The following DYM variants were observed in gnomAD, a reference collection of about 807,000 sequenced individuals.
DYM encodes the protein dyggve-Melchior-Clausen syndrome protein.
DYM carries 78 observed loss-of-function variants against 93.1 expected under a neutral mutation model. That is an observed-to-expected ratio of 0.84 (90% CI 0.70 to 1.01). The LOEUF (loss-of-function observed/expected upper bound fraction) is 1.01, where lower values mean the gene tolerates loss of function less well. DYM is among the 50% of genes least tolerant of loss of function. The pLI, the probability that DYM is intolerant of heterozygous loss-of-function variation, is 0.00. For missense variants in DYM, 789 were observed against 845.0 expected (o/e 0.93, Z 0.82); for synonymous variants, 321 against 319.7 (o/e 1.00, Z -0.04).
At chr18:49,388,048 A>T (rs533685043) in intron 3 of DYM, among the ~76,000 whole-genome samples, 1 of 152,310 alleles carries the variant, frequency 6.6e-6, no homozygotes, top group Non-Finnish European at 1.5e-5. Context: ...TATCAAAAGG[A>T]AAGATTAGTA....
At chr18:49,198,511 C>T (rs1281730416) in intron 14 of DYM, among the ~76,000 whole-genome samples, 1 of 152,142 alleles carries the variant, frequency 6.6e-6, no homozygotes, top group South Asian at 2.1e-4. Context: ...CCAAAATCTA[C>T]AAAGAACTCA....
intron 8 of DYM, among the ~76,000 whole-genome samples, chr18:49,303,237 C>G (rs1000991319): frequency 3.3e-5 from 5 of 152,318 alleles, no homozygotes; most frequent in Admixed American, 6.5e-5. Context: ...CATTTTGCCC[C>G]TTTCTTTATG....
At chr18:49,428,936 T>C (rs1043632648) in intron 2 of DYM, among the ~76,000 whole-genome samples, 1 of 151,714 alleles carries the variant, frequency 6.6e-6, no homozygotes, top group Non-Finnish European at 1.5e-5. Flanking sequence ...AATTTAGTGG[T>C]GTGAACAACA....
chr18:49,241,103 T>C (rs1022743523), intron 13 of DYM, among the ~76,000 whole-genome samples: 1 of 152,188 alleles, frequency 6.6e-6, no homozygotes, highest in Admixed American at 6.5e-5. Flanking sequence ...TGTCTTATTA[T>C]AAAAGGCTTA....
chr18:49,183,661 A>T (rs185310027), intron 14 of DYM, among the ~76,000 whole-genome samples: 17 of 152,286 alleles, frequency 1.1e-4, no homozygotes, highest in African/African-American at 4.1e-4. Context: ...TAGTGCCTGT[A>T]CATTTAACAG....
intron 17 of DYM, among the ~76,000 whole-genome samples, chr18:49,073,711 C>T (rs1400671106): frequency 6.6e-6 from 1 of 152,200 alleles, no homozygotes; most frequent in East Asian, 1.9e-4. Flanking sequence ...TAATTTCACC[C>T]ACCGATAATA....
intron 2 of DYM, among the ~76,000 whole-genome samples, chr18:49,417,388 G>A (rs993196364): frequency 1.3e-5 from 2 of 152,126 alleles, no homozygotes; most frequent in Admixed American, 6.5e-5. Context: ...AGTCTCAAAA[G>A]ATCCTCCTGC....
At chr18:49,274,405 T>A (rs966866575) in intron 10 of DYM, among the ~76,000 whole-genome samples, 2 of 152,172 alleles carry the variant, frequency 1.3e-5, no homozygotes, top group African/African-American at 4.8e-5. Flanking sequence ...TGACTAGCAT[T>A]TGAACTGTTT....
rs191323082 is a variant in DYM at position 49,117,160 on chromosome 18, G to A, written c.1911+1584C>T. Among the ~76,000 whole-genome samples the A allele has an allele frequency of 4.6e-5, 7 of 152,262 alleles. No individual in the cohort carries two copies. The East Asian group carries it at 7.7e-4, about 17-fold the overall frequency. On this transcript the variant is annotated intron_variant, in intron 16 of 17. Coordinates refer to ENST00000675505, the MANE Select transcript of DYM (RefSeq NM_001353214.3). ...GATGGCAACTATACCCAAATTCCCC[G>A]ATTCTGTTAATGATACCTAAATGAT...
intron 2 of DYM, among the ~76,000 whole-genome samples, chr18:49,428,426 T>C (rs1018853958): frequency 2.0e-5 from 3 of 152,208 alleles, no homozygotes; most frequent in African/African-American, 4.8e-5. Context: ...GTCTCACGCC[T>C]GTAATCCCAG....
chr18:49,393,299 T>A (rs1163147975), intron 2 of DYM, among the ~76,000 whole-genome samples: 1 of 152,030 alleles, frequency 6.6e-6, no homozygotes, highest in Non-Finnish European at 1.5e-5. Context: ...AAAATTACCA[T>A]CCGGGTAGAT....
chr18:49,087,515 G>A (rs905106987), intron 17 of DYM, among the ~76,000 whole-genome samples: 1 of 152,160 alleles, frequency 6.6e-6, no homozygotes, highest in Non-Finnish European at 1.5e-5. Flanking sequence ...TGTTTATCAA[G>A]AATGATTAGC....
intron 8 of DYM, among the ~76,000 whole-genome samples, chr18:49,309,298 T>C (rs958059332): frequency 3.9e-5 from 6 of 152,268 alleles, no homozygotes; most frequent in Admixed American, 2.0e-4. Flanking sequence ...GGTGGCAAAC[T>C]TGAAAGTTTG....
At chr18:49,147,367 G>A (rs1256137319) in intron 15 of DYM, among the ~76,000 whole-genome samples, 1 of 151,842 alleles carries the variant, frequency 6.6e-6, no homozygotes, top group East Asian at 1.9e-4. Context: ...AAACTAAAGA[G>A]CTTCTGCACA....
chr18:49,377,204 G>A (rs2067583316), intron 5 of DYM, among the ~76,000 whole-genome samples: 2 of 152,158 alleles, frequency 1.3e-5, no homozygotes, highest in African/African-American at 4.8e-5. Flanking sequence ...TTTAAGAAAT[G>A]CTTGAATGCA....
chr18:49,252,526 G>A (rs1420385343), intron 13 of DYM, among the ~76,000 whole-genome samples: 2 of 152,138 alleles, frequency 1.3e-5, no homozygotes, highest in East Asian at 1.9e-4. Flanking sequence ...CTTCACATGT[G>A]GGGATTATGA....
At chr18:49,144,823 A>T (rs985180936) in intron 15 of DYM, among the ~76,000 whole-genome samples, 1 of 152,012 alleles carries the variant, frequency 6.6e-6, no homozygotes, top group African/African-American at 2.4e-5. Context: ...GGCCAGGCAC[A>T]TCAGGGCTCA....
intron 14 of DYM, among the ~76,000 whole-genome samples, chr18:49,171,013 C>A (rs915963225): frequency 6.6e-6 from 1 of 151,684 alleles, no homozygotes; most frequent in Non-Finnish European, 1.5e-5. Context: ...AAAACAAAAC[C>A]CAACAACAAC....
At chr18:49,210,068 C>A (rs1386356418) in intron 13 of DYM, among the ~76,000 whole-genome samples, 1 of 152,162 alleles carries the variant, frequency 6.6e-6, no homozygotes, top group African/African-American at 2.4e-5. Context: ...CAAATGCAGG[C>A]GAGGATGTGG....
Sources: allele counts gnomAD v4.1 joint callset (sites outside exome capture counted in the v4.1 genomes callset), GRCh38; gene constraint gnomAD v4.1.1; transcripts MANE v1.5; gene names NCBI Gene and HGNC (gene_info 2026-07-23, HGNC 2026-07-21).